AFF2: variants seen among roughly 807,000 people sequenced by gnomAD.
AFF2 encodes ALF transcription elongation factor 2.
A neutral mutation model predicts 76.9 loss-of-function variants in AFF2; 14 were observed. That is an observed-to-expected ratio of 0.18 (90% CI 0.12 to 0.28). AFF2 has a LOEUF of 0.28. AFF2 is among the 10% of genes least tolerant of loss of function. The probability of loss-of-function intolerance (pLI) is 1.00; values close to 1 mark genes in which losing one functional copy is unlikely to be tolerated. For synonymous variants in AFF2, 398 were observed against 366.7 expected (o/e 1.09, Z -0.98); for missense variants, 868 against 1,001.1 (o/e 0.87, Z 1.79).
At chrX:148,978,187 T>A (rs781943008) in intron 17 of AFF2, among the ~76,000 whole-genome samples, 175 bp from the exon 18 acceptor site, 1 of 112,862 alleles carries the variant, frequency 8.9e-6, no homozygotes, top group Non-Finnish European at 1.9e-5. Context: ...TATACCCTTA[T>A]CAAAATGGGA....
chrX:148,698,685 C>G (rs1461861733), intron 3 of AFF2, among the ~76,000 whole-genome samples: 4 of 111,989 alleles, frequency 3.6e-5, no homozygotes, highest in Admixed American at 9.5e-5. Flanking sequence ...TGACCAGTCC[C>G]TCTGCATTGT....
intron 1 of AFF2, among the ~76,000 whole-genome samples, chrX:148,547,570 A>G (rs189849181): frequency 2.0e-3 from 225 of 112,214 alleles, no homozygotes; most frequent in Non-Finnish European, 3.6e-3. Flanking sequence ...TAGGGATCGT[A>G]TATACCTTCT....
Position 148,852,625 on chromosome X carries a change from T to C in AFF2, c.1262+9192T>C, listed in dbSNP as rs1221294586. ...AAGAAAACAATCTGGATGTGAGCAG[T>C]ATTCTTGGGTAATTGCAACCACCAC... On this transcript the variant is annotated intron_variant, in intron 7 of 20. Coordinates refer to ENST00000370460, the MANE Select transcript of AFF2 (RefSeq NM_002025.4). Among the ~76,000 whole-genome samples the C allele has an allele frequency of 1.1e-4, 12 of 111,296 alleles. 1 individual carries two copies. The Admixed American group carries it at 1.1e-3, about 11-fold the overall frequency.
At chrX:148,869,731 T>C (rs2124088572) in intron 7 of AFF2, among the ~76,000 whole-genome samples, 1 of 112,132 alleles carries the variant, frequency 8.9e-6, no homozygotes, top group Non-Finnish European at 1.9e-5. Context: ...CCTGTCTTCC[T>C]AACTTCCAGA....
chrX:148,957,331 T>C (rs911634257), intron 11 of AFF2, among the ~76,000 whole-genome samples: 1 of 111,498 alleles, frequency 9.0e-6, no homozygotes, highest in African/African-American at 3.3e-5. Context: ...ATTCTGTCCC[T>C]TTCCAGGAAA....
intron 9 of AFF2, among the ~76,000 whole-genome samples, chrX:148,944,211 C>T (rs185930255): frequency 1.8e-5 from 2 of 112,054 alleles, no homozygotes; most frequent in Non-Finnish European, 3.8e-5. Context: ...GCCCCATCTC[C>T]GGGCCAGCTT....
At chrX:148,583,453 C>A (rs1167742740) in intron 1 of AFF2, among the ~76,000 whole-genome samples, 2 of 110,767 alleles carry the variant, frequency 1.8e-5, no homozygotes, top group South Asian at 7.7e-4. Context: ...TCCATATGCA[C>A]CCTGCCCCCA....
intron 1 of AFF2, among the ~76,000 whole-genome samples, chrX:148,601,395 G>T (rs1175417594): frequency 1.8e-5 from 2 of 111,673 alleles, no homozygotes; most frequent in East Asian, 5.6e-4. Context: ...GGAGAGCCTG[G>T]CATCTATGTA....
At chrX:148,556,634 G>T (rs1274001113) in intron 1 of AFF2, among the ~76,000 whole-genome samples, 1 of 112,267 alleles carries the variant, frequency 8.9e-6, no homozygotes, top group Non-Finnish European at 1.9e-5. Flanking sequence ...AATGAAAATG[G>T]TCATGATGCT....
In AFF2 at chrX:148,992,560, T is replaced by G. The variant is rs1428634981; in HGVS notation, c.*1228T>G. 1 of 112,373 alleles carries G rather than the reference T, an allele frequency of 8.9e-6. No individual in the cohort carries two copies. The highest frequency in any genetic ancestry group is 1.9e-5 in the Non-Finnish European group (1 of 53,291). The allele number at this position is 112,373 out of a possible 1,213,427, so 9.3% of individuals were successfully genotyped here. ...TTAAAGTCCATATTATTGTGAATCA[T>G]TTCCATGAAAATTTCTAAGAAAACT... On this transcript the variant is annotated 3_prime_UTR_variant, in exon 21 of 21. Coordinates refer to ENST00000370460, the MANE Select transcript of AFF2 (RefSeq NM_002025.4).
intron 1 of AFF2, among the ~76,000 whole-genome samples, chrX:148,626,301 C>T (rs1557252098): frequency 9.1e-6 from 1 of 110,117 alleles, no homozygotes; most frequent in Non-Finnish European, 1.9e-5. Flanking sequence ...AGTCATTTTA[C>T]TCTCCTGGTG....
intron 7 of AFF2, among the ~76,000 whole-genome samples, chrX:148,871,606 C>T (rs1300879153): frequency 8.9e-6 from 1 of 111,878 alleles, no homozygotes; most frequent in African/African-American, 3.2e-5. Flanking sequence ...CCACATTAAC[C>T]ACATGCCTGC....
intron 4 of AFF2, among the ~76,000 whole-genome samples, chrX:148,830,777 G>A (rs1026722127): frequency 2.7e-5 from 3 of 111,591 alleles, no homozygotes; most frequent in African/African-American, 6.5e-5. Context: ...ATGAAGTTTC[G>A]GGCATGCATT....
intron 3 of AFF2, among the ~76,000 whole-genome samples, chrX:148,803,798 T>G (rs2070091409): frequency 9.0e-6 from 1 of 110,819 alleles, no homozygotes; most frequent in South Asian, 3.9e-4. Context: ...ACTGAAGAGA[T>G]GTCCTCATAA....
intron 7 of AFF2, among the ~76,000 whole-genome samples, chrX:148,880,521 A>G (rs1351256345): frequency 8.9e-6 from 1 of 111,805 alleles, no homozygotes; most frequent in Admixed American, 9.5e-5. Flanking sequence ...CTGCCTAATG[A>G]GAACATGCAA....
intron 3 of AFF2, among the ~76,000 whole-genome samples, chrX:148,713,691 C>A (rs1168763771): frequency 9.0e-6 from 1 of 111,522 alleles, no homozygotes; most frequent in Non-Finnish European, 1.9e-5. Flanking sequence ...AAAGGCTGCC[C>A]ACTTATTGAG....
intron 1 of AFF2, among the ~76,000 whole-genome samples, chrX:148,539,145 G>T (rs1304050509): frequency 8.9e-6 from 1 of 111,966 alleles, no homozygotes; most frequent in East Asian, 2.8e-4. Context: ...TTTAAATGTA[G>T]TATGCCCTAT....
At chrX:148,790,885 C>A (rs2069884855) in intron 3 of AFF2, among the ~76,000 whole-genome samples, 1 of 111,490 alleles carries the variant, frequency 9.0e-6, no homozygotes, top group African/African-American at 3.3e-5. Flanking sequence ...TAAAGGAGAC[C>A]AAATTGCAAG....
intron 3 of AFF2, among the ~76,000 whole-genome samples, chrX:148,757,075 C>T (rs1557266943): frequency 8.9e-6 from 1 of 112,539 alleles, no homozygotes; most frequent in African/African-American, 3.2e-5. Context: ...CTGTAATAAT[C>T]TTACCTCAAG....
Sources: gnomAD v4.1 joint callset for allele counts (sites outside exome capture counted in the v4.1 genomes callset) on GRCh38, gnomAD v4.1.1 for gene constraint, MANE v1.5 for transcripts, NCBI Gene and HGNC (gene_info 2026-07-23, HGNC 2026-07-21) for gene names.